The following PKHD1 variants were observed in gnomAD, a reference collection of about 807,000 sequenced individuals.
PKHD1 encodes PKHD1 ciliary IPT domain containing fibrocystin/polyductin.
Under a neutral mutation model 412.0 loss-of-function variants are expected in PKHD1, and 291 were observed. The observed-to-expected ratio is 0.71, with a 90% confidence interval of 0.64 to 0.78. The LOEUF (loss-of-function observed/expected upper bound fraction) is 0.78. PKHD1 is among the 30% of genes least tolerant of loss of function. The pLI, the probability that PKHD1 is intolerant of heterozygous loss-of-function variation, is 0.00. For synonymous variants in PKHD1, 1,777 were observed against 1,821.5 expected (o/e 0.98, Z 0.62); for missense variants, 4,825 against 4,950.7 (o/e 0.97, Z 0.76).
In PKHD1 at chr6:52,022,860, C is replaced by T. The variant is rs773877510; in HGVS notation, c.5321G>A (p.Cys1774Tyr). 6.2e-7 allele frequency: 1 copy of T among 1,614,146 alleles called. No individual in the cohort carries two copies. The highest frequency in any genetic ancestry group is 1.7e-5 in the Admixed American group (1 of 60,020). ...CACTGTAGCATTAGCCAGGACTCGG[C>T]AGGGAGCACCACACACAGCAGCTGA... is the stretch of plus-strand genomic sequence containing the variant. ...NVSAAVCGAP[C>Y]RVLANATVSA... The change falls in exon 33 of 67, where the codon TGC becomes TAC. Residue 1774 changes from cysteine to tyrosine, a missense_variant. Cys to Tyr is a radical substitution (Grantham distance 194, BLOSUM62 -2). Coordinates refer to ENST00000371117, the MANE Select transcript of PKHD1 (RefSeq NM_138694.4).
chr6:52,024,879 C>T lies in PKHD1; in HGVS notation c.4931G>A (p.Trp1644Ter). The T allele has an allele frequency of 6.2e-7, 1 of 1,614,134 alleles. No homozygotes were observed. ...ATAACCAATGACTCCTATGTGATAC[C>T]AAAGTCCATCTACCTCTATTTCCAG... ...VALEIEVDGL[W>*]YHIGVIGYNK... is the part of the protein sequence containing the mutation. Residue 1644 changes from tryptophan to a stop codon, truncating the protein, a stop_gained, in exon 32 of 67, where the codon TGG (tryptophan) becomes TAG (stop). Coordinates refer to ENST00000371117, the MANE Select transcript of PKHD1 (RefSeq NM_138694.4). LOFTEE classifies it high-confidence loss of function.
chr6:51,842,090 G>C (rs751389367), intron 50 of PKHD1, among the ~76,000 whole-genome samples: 1 of 152,210 alleles, frequency 6.6e-6, no homozygotes, highest in Non-Finnish European at 1.5e-5. Flanking sequence ...TTTATTCGTG[G>C]TGAGGCGGAC....
At chr6:51,648,477 C>T (rs895692633) in intron 62 of PKHD1, among the ~76,000 whole-genome samples, 1 of 152,128 alleles carries the variant, frequency 6.6e-6, no homozygotes, top group African/African-American at 2.4e-5. Flanking sequence ...TCAAAGTTGA[C>T]AGGTTTTCAA....
chr6:52,059,259 C>CTTTTTTTTTTTTTTTTTTTTTTT (rs55992586), intron 15 of PKHD1, among the ~76,000 whole-genome samples: 55 of 83,524 alleles, frequency 6.6e-4, no homozygotes, highest in East Asian at 1.6e-3. Flanking sequence ...TTTTCTTTTT[C>CTTTTTTTTTTTTTTTTTTTTTTT]TTTTTTTTTT....
At chr6:51,669,092 T>C (rs1397016453) in intron 60 of PKHD1, among the ~76,000 whole-genome samples, 1 of 152,202 alleles carries the variant, frequency 6.6e-6, no homozygotes, top group African/African-American at 2.4e-5. Flanking sequence ...CCTCTTTTTC[T>C]ATTGATTGGA....
chr6:51,857,054 G>A (rs1387484138), intron 48 of PKHD1, among the ~76,000 whole-genome samples: 1 of 152,188 alleles, frequency 6.6e-6, no homozygotes, highest in Non-Finnish European at 1.5e-5. Flanking sequence ...GTATCACAAA[G>A]TAGAACTCGA....
In PKHD1 at chr6:51,950,210, G is replaced by GAA. The variant is rs574963733; in HGVS notation, c.5908+9658_5908+9659dup. On this transcript the variant is annotated intron_variant, in intron 36 of 66. Coordinates refer to ENST00000371117, the MANE Select transcript of PKHD1 (RefSeq NM_138694.4). ...ACTGCAGTCAAATGGGCAATATAGAGAAAAAAAAAAATATATATATATATA... is the reference window on the plus strand; with the variant it reads ...ACTGCAGTCAAATGGGCAATATAGAGAAAAAAAAAAAAATATATATATATATA... 1.1e-3 allele frequency among the ~76,000 whole-genome samples: 121 copies of GAA among 113,096 alleles called. 2 individuals are homozygous for GAA. The East Asian group carries it at 0.023, about 21-fold the overall frequency. 74.2% of individuals were successfully genotyped at this position (113,096 alleles called of 152,430 possible).
intron 27 of PKHD1, among the ~76,000 whole-genome samples, chr6:52,038,234 A>G (rs1238746097): frequency 3.3e-5 from 5 of 152,154 alleles, no homozygotes; most frequent in African/African-American, 9.7e-5. Context: ...ACAAAAAATT[A>G]GCTGGGCATG....
rs559810089 is a variant in PKHD1, at chr6:51,744,639, A to G, written c.9999-97T>C. Reference sequence around the variant, plus strand: ...GCTAATGTTGTTTAAAATAAATTCAACAGATTTTTATTATTGACAATGTGT... The same window carrying G: ...GCTAATGTTGTTTAAAATAAATTCAGCAGATTTTTATTATTGACAATGTGT... On this transcript the variant is annotated intron_variant, in intron 59 of 66. Coordinates refer to ENST00000371117, the MANE Select transcript of PKHD1 (RefSeq NM_138694.4). 43 of 917,758 alleles carry G rather than the reference A, an allele frequency of 4.7e-5. 1 individual carries two copies. In the East Asian group the frequency reaches 7.5e-4, roughly 16 times the overall value. The allele number at this position is 917,758 out of a possible 1,614,324, so 56.9% of individuals were successfully genotyped here.
At chr6:51,924,684 C>G (rs1227664266) in intron 37 of PKHD1, among the ~76,000 whole-genome samples, 2 of 152,228 alleles carry the variant, frequency 1.3e-5, no homozygotes, top group Admixed American at 1.3e-4. Context: ...CACAAGTTAT[C>G]TAAGAATTAA....
In PKHD1 at chr6:52,048,654, G is replaced by C. The variant is rs775599275; in HGVS notation, c.2280-35C>G. 75 of 1,612,984 alleles carry C rather than the reference G, an allele frequency of 4.6e-5. No homozygotes were observed. In the Admixed American group the frequency reaches 1.2e-3, roughly 27 times the overall value. On this transcript the variant is annotated intron_variant, in intron 22 of 66. Coordinates refer to ENST00000371117, the MANE Select transcript of PKHD1 (RefSeq NM_138694.4). The stretch of plus-strand genomic sequence containing the variant: ...GTCAGAAACAAAGTATTAACGTCTG[G>C]GTTGGGGTGTGCACCTAGGAGGACC...
At chr6:51,758,182 G>A (rs891348749) in intron 55 of PKHD1, among the ~76,000 whole-genome samples, 1 of 152,082 alleles carries the variant, frequency 6.6e-6, no homozygotes, top group Non-Finnish European at 1.5e-5. Context: ...GACCTTTTCT[G>A]TTCTGGCTTC....
At chr6:51,897,193 C>T (rs1780226534) in intron 43 of PKHD1, among the ~76,000 whole-genome samples, 1 of 152,034 alleles carries the variant, frequency 6.6e-6, no homozygotes, top group Non-Finnish European at 1.5e-5. Context: ...AGAAGAGCAA[C>T]TCCAAGACAC....
chr6:51,860,602 G>T (rs1330018289), intron 48 of PKHD1, among the ~76,000 whole-genome samples: 2 of 152,132 alleles, frequency 1.3e-5, no homozygotes, highest in Non-Finnish European at 2.9e-5. Flanking sequence ...ATTACTAGGG[G>T]AAGAAGTCTC....
chr6:51,872,399 G>C (rs1170945594), intron 46 of PKHD1, among the ~76,000 whole-genome samples: 2 of 101,862 alleles, frequency 2.0e-5, no homozygotes, highest in African/African-American at 3.2e-5. Flanking sequence ...CCTGGAATCT[G>C]AGTTTTTGTT....
intron 55 of PKHD1, among the ~76,000 whole-genome samples, chr6:51,757,273 T>A (rs1787180710): frequency 6.6e-6 from 1 of 152,156 alleles, no homozygotes; most frequent in South Asian, 2.1e-4. Flanking sequence ...TTAAAACTCA[T>A]CCACATGAGA....
intron 50 of PKHD1, among the ~76,000 whole-genome samples, chr6:51,837,014 T>C (rs1374779506): frequency 6.6e-6 from 1 of 152,156 alleles, no homozygotes; most frequent in Admixed American, 6.5e-5. Context: ...TTCAATAAAT[T>C]AGTGGAAATA....
rs1167430284 is a variant in PKHD1 at position 52,022,855 on chromosome 6, C to G, written c.5326G>C (p.Val1776Leu). ...GCAGACACTGTAGCATTAGCCAGGA[C>G]TCGGCAGGGAGCACCACACACAGCA... The part of the protein sequence containing the change: ...SAAVCGAPCR[V>L]LANATVSAFS... The change falls in exon 33 of 67, where the codon GTC (valine) becomes CTC (leucine). Residue 1776 changes from valine (V) to leucine (L), a missense_variant. Physicochemically the swap from Val to Leu is conservative, Grantham distance 32 (BLOSUM62 1). Coordinates refer to ENST00000371117, the MANE Select transcript of PKHD1 (RefSeq NM_138694.4). 1 of 1,614,168 alleles carries G rather than the reference C, an allele frequency of 6.2e-7. No individual in the cohort carries two copies. The highest frequency in any genetic ancestry group is 8.5e-7 in the Non-Finnish European group (1 of 1,180,028).
At chr6:51,630,116 A>C (rs1767747547) in intron 65 of PKHD1, among the ~76,000 whole-genome samples, 1 of 152,210 alleles carries the variant, frequency 6.6e-6, no homozygotes, top group Non-Finnish European at 1.5e-5. Context: ...CTCCATTCAA[A>C]GTATATGATG....
Sources: allele counts gnomAD v4.1 joint callset (sites outside exome capture counted in the v4.1 genomes callset), GRCh38; gene constraint gnomAD v4.1.1; transcripts MANE v1.5; gene names NCBI Gene and HGNC (gene_info 2026-07-23, HGNC 2026-07-21).